The following NEK1 variants were observed in gnomAD, a reference collection of about 807,000 sequenced individuals.
NEK1 encodes serine/threonine-protein kinase Nek1.
In NEK1, 137 loss-of-function variants were observed where a neutral mutation model predicts 182.1. The observed-to-expected ratio is 0.75, with a 90% CI of 0.65 to 0.87. The LOEUF (loss-of-function observed/expected upper bound fraction) is 0.87. Ranked by LOEUF, NEK1 falls within the 40% of genes least tolerant of loss-of-function variation. The pLI is 0.00. For missense variants in NEK1, 1,391 were observed against 1,494.4 expected, an observed-to-expected ratio of 0.93 and a Z score of 1.14; for synonymous variants, 513 against 492.2, an observed-to-expected ratio of 1.04 and a Z score of -0.56.
At chr4:169,464,410 T>C (rs1744548989) in intron 26 of NEK1, among the ~76,000 whole-genome samples, 1 of 152,148 alleles carries the variant, frequency 6.6e-6, no homozygotes, top group African/African-American at 2.4e-5. Context: ...TCTGAAGGGA[T>C]GAGAAGGTAT....
intron 27 of NEK1, among the ~76,000 whole-genome samples, chr4:169,451,963 T>A (rs1476396836): frequency 1.3e-5 from 2 of 152,124 alleles, no homozygotes; most frequent in Admixed American, 6.5e-5. Flanking sequence ...TCACCACCAA[T>A]CCCACAGAAA....
chr4:169,493,995 C>T (rs1214844772), intron 23 of NEK1, among the ~76,000 whole-genome samples: 1 of 151,992 alleles, frequency 6.6e-6, no homozygotes, highest in African/African-American at 2.4e-5. Flanking sequence ...AGTCATCAGA[C>T]AATCCAGGGT....
At chr4:169,449,105 G>A (rs1402768818) in intron 27 of NEK1, among the ~76,000 whole-genome samples, 3 of 152,248 alleles carry the variant, frequency 2.0e-5, no homozygotes, top group Non-Finnish European at 2.9e-5. Flanking sequence ...ACTCGGGGAG[G>A]GGCATCCGCC....
intron 18 of NEK1, among the ~76,000 whole-genome samples, chr4:169,547,614 C>G (rs1215039660): frequency 3.9e-5 from 6 of 152,192 alleles, no homozygotes; most frequent in Admixed American, 3.9e-4. Context: ...GTACACCAAA[C>G]AAATGTAGAT....
intron 31 of NEK1, among the ~76,000 whole-genome samples, chr4:169,421,904 T>A (rs7436351): frequency 0.81 from 122,497 of 152,096 alleles, 50,801 homozygotes; most frequent in South Asian, 0.92. Flanking sequence ...AATTTGACTT[T>A]ATAGACATTC....
chr4:169,482,481 C>T (rs1001643042), intron 23 of NEK1, among the ~76,000 whole-genome samples: 1 of 141,786 alleles, frequency 7.1e-6, no homozygotes, highest in Non-Finnish European at 1.5e-5. Context: ...TTCTTTCTTT[C>T]TTTTTTTTTT....
At chr4:169,459,147 C>T (rs1163916586) in intron 27 of NEK1, among the ~76,000 whole-genome samples, 3 of 151,570 alleles carry the variant, frequency 2.0e-5, no homozygotes, top group African/African-American at 4.8e-5. Flanking sequence ...GGACCATTAA[C>T]CAAAATATAC....
intron 27 of NEK1, among the ~76,000 whole-genome samples, chr4:169,455,463 A>G (rs1742687806): frequency 6.6e-6 from 1 of 152,222 alleles, no homozygotes; most frequent in African/African-American, 2.4e-5. Context: ...GGCAGAAGTA[A>G]CTATACTTAC....
At chr4:169,410,413 C>A (rs1277527359) in intron 31 of NEK1, among the ~76,000 whole-genome samples, 1 of 152,060 alleles carries the variant, frequency 6.6e-6, no homozygotes, top group African/African-American at 2.4e-5. Context: ...CTAAAAAATT[C>A]TACTCATAGT....
intron 29 of NEK1, among the ~76,000 whole-genome samples, chr4:169,432,324 G>A (rs944928645): frequency 5.9e-5 from 9 of 152,104 alleles, no homozygotes; most frequent in African/African-American, 1.9e-4. Context: ...ACCTCCAGGA[G>A]AACAATAACC....
intron 23 of NEK1, among the ~76,000 whole-genome samples, chr4:169,482,989 G>A (rs922502021): frequency 2.6e-5 from 4 of 152,102 alleles, no homozygotes; most frequent in Admixed American, 2.6e-4. Flanking sequence ...TCACAACTTG[G>A]ATAACTGGCG....
chr4:169,553,178 C>G (rs1761678104), intron 18 of NEK1, among the ~76,000 whole-genome samples: 1 of 152,090 alleles, frequency 6.6e-6, no homozygotes, highest in Non-Finnish European at 1.5e-5. Context: ...ATCAGTAGAA[C>G]AGAACAGAGA....
At chr4:169,576,160 T>C (rs1765659729) in intron 12 of NEK1, among the ~76,000 whole-genome samples, 1 of 151,994 alleles carries the variant, frequency 6.6e-6, no homozygotes, top group East Asian at 1.9e-4. Flanking sequence ...AGAAAGGGTT[T>C]CACCATGTTG....
intron 2 of NEK1, among the ~76,000 whole-genome samples, chr4:169,610,836 G>C (rs965288599): frequency 1.3e-5 from 2 of 152,222 alleles, no homozygotes; most frequent in Non-Finnish European, 2.9e-5. Context: ...CAGGTTTCAA[G>C]AAGTCTTTTG....
At chr4:169,494,791 T>C (rs927755126) in intron 23 of NEK1, among the ~76,000 whole-genome samples, 1 of 152,250 alleles carries the variant, frequency 6.6e-6, no homozygotes, top group African/African-American at 2.4e-5. Flanking sequence ...ATTGCCATTC[T>C]AACTGGTGTG....
chr4:169,429,288 G>T (rs1278988773), intron 29 of NEK1, among the ~76,000 whole-genome samples: 2 of 151,974 alleles, frequency 1.3e-5, no homozygotes, highest in Non-Finnish European at 2.9e-5. Context: ...CAAATTATTG[G>T]CTGTGACTCT....
At chr4:169,497,931 C>T (rs536666558) in intron 23 of NEK1, among the ~76,000 whole-genome samples, 1 of 152,208 alleles carries the variant, frequency 6.6e-6, no homozygotes, top group South Asian at 2.1e-4. Context: ...CCCCTTGGTG[C>T]AGAGCTGAGT....
In NEK1 at chr4:169,516,407, T is replaced by C. The variant is rs1400193224; in HGVS notation, c.1666-7555A>G. ...CATTGTAGATTCTGGATATTAGGCC[T>C]TTGTCAGATGAGTAGGTTGCGAAAA... is the stretch of plus-strand genomic sequence containing the variant. On this transcript the variant is annotated intron_variant, in intron 19 of 35. Transcript: ENST00000507142. Among the ~76,000 whole-genome samples, 65 of 124,246 alleles carry C rather than the reference T, an allele frequency of 5.2e-4. 1 individual carries two copies. The highest frequency in any genetic ancestry group is 9.6e-4 in the Non-Finnish European group (60 of 62,190). 81.5% of individuals were successfully genotyped at this position (124,246 alleles called of 152,430 possible).
chr4:169,433,988 G>A (rs1432685148), intron 28 of NEK1, among the ~76,000 whole-genome samples: 1 of 151,716 alleles, frequency 6.6e-6, no homozygotes, highest in Non-Finnish European at 1.5e-5. Context: ...ATTTAGGGAA[G>A]GTATAAAAAC....
Sources: gnomAD v4.1 joint callset for allele counts (sites outside exome capture counted in the v4.1 genomes callset) on GRCh38, gnomAD v4.1.1 for gene constraint, MANE v1.5 for transcripts, NCBI Gene and HGNC (gene_info 2026-07-23, HGNC 2026-07-21) for gene names.